PNPLA8: variants seen among roughly 807,000 people sequenced by gnomAD.
PNPLA8 encodes the protein patatin like domain 8, phospholipase A2, also known as calcium-independent phospholipase A2-gamma.
Under a neutral mutation model 76.9 loss-of-function variants are expected in PNPLA8, and 39 were observed. The observed-to-expected ratio is 0.51, with a 90% CI of 0.39 to 0.66. The LOEUF (loss-of-function observed/expected upper bound fraction) is 0.66. Ranked by LOEUF, PNPLA8 falls within the 30% of genes least tolerant of loss-of-function variation. The pLI is 0.00. For synonymous variants in PNPLA8, 301 were observed against 307.9 expected (o/e 0.98, Z 0.24); for missense variants, 887 against 918.0 (o/e 0.97, Z 0.44).
At chr7:108,520,961 C>A (rs1563993276) in intron 2 of PNPLA8, among the ~76,000 whole-genome samples, 1 of 152,026 alleles carries the variant, frequency 6.6e-6, no homozygotes, top group Non-Finnish European at 1.5e-5. Flanking sequence ...AGTAAAAAAT[C>A]TCCAGGTTTA....
At position 108,514,624 on chromosome 7, in the gene PNPLA8, A is replaced by G. The variant is rs748119159; in HGVS notation, c.868T>C (p.Phe290Leu). The G allele has an allele frequency of 1.2e-6, 2 of 1,614,088 alleles. No individual in the cohort carries two copies. Among genetic ancestry groups the G allele is most frequent in the Non-Finnish European group, 8.5e-7 (1 of 1,179,978 alleles). ...QVSTKQSIAN[F>L]LSRPTEGVQA... ...ACACCTTCCGTGGGACGAGAAAGAA[A>G]GTTAGCAATACTTTGTTTAGTTGAA... Residue 290 changes from phenylalanine (F) to leucine (L), a missense_variant, in exon 3 of 11, where the codon TTT (phenylalanine) becomes CTT (leucine). Physicochemically the swap from Phe to Leu is conservative, Grantham distance 22. Transcript: ENST00000257694.
chr7:108,475,261 T>C (rs1859905622), intron 10 of PNPLA8, among the ~76,000 whole-genome samples: 1 of 152,170 alleles, frequency 6.6e-6, no homozygotes, highest in African/African-American at 2.4e-5. Flanking sequence ...AATGTAATAA[T>C]ACTAGAAATA....
chr7:108,494,262 A>G (rs1195775089), intron 7 of PNPLA8, among the ~76,000 whole-genome samples: 1 of 152,132 alleles, frequency 6.6e-6, no homozygotes, highest in African/African-American at 2.4e-5. Context: ...GTTTTGTTAC[A>G]TGGGTAAACT....
intron 3 of PNPLA8, 56 bp downstream of exon 3, chr7:108,514,380 A>C: frequency 1.3e-6 from 2 of 1,550,118 alleles, no homozygotes; most frequent in Non-Finnish European, 1.7e-6. Context: ...TTAGGAAATA[A>C]AACTTATAAA....
At chr7:108,490,783 CAA>C (rs775029071) in intron 8 of PNPLA8, among the ~76,000 whole-genome samples, 6 of 86,968 alleles carry the variant, frequency 6.9e-5, no homozygotes, top group Admixed American at 1.3e-4. Context: ...GACTCCGTCT[CAA>C]AAAAAAAAAA....
chr7:108,494,752 T>TA (rs1861438102), intron 7 of PNPLA8, among the ~76,000 whole-genome samples: 1 of 152,188 alleles, frequency 6.6e-6, no homozygotes, highest in Admixed American at 6.5e-5. Flanking sequence ...AGAAAAGACT[T>TA]AAAAACATAA....
Position 108,501,245 on chromosome 7 carries a change from G to A in PNPLA8, c.1358+1246C>T, listed in dbSNP as rs73713129. Among the ~76,000 whole-genome samples the A allele has an allele frequency of 6.4e-3, 978 of 152,222 alleles. 15 individuals are homozygous for A. The highest frequency in any genetic ancestry group is 0.022 in the African/African-American group (934 of 41,538). The stretch of plus-strand genomic sequence containing the variant: ...TAGAGAACAAGCTAGAAGATTTTGG[G>A]GAAAAGGTTTGAAAAACCAAGCCAA... On this transcript the variant is annotated intron_variant, in intron 5 of 10. Coordinates refer to ENST00000257694, the MANE Select transcript of PNPLA8 (RefSeq NM_001256007.3).
At chr7:108,491,687 A>C (rs577946747) in intron 7 of PNPLA8, among the ~76,000 whole-genome samples, 1 of 152,230 alleles carries the variant, frequency 6.6e-6, no homozygotes, top group African/African-American at 2.4e-5. Context: ...AAGTATCTAC[A>C]GTTCTGAGGT....
intron 5 of PNPLA8, among the ~76,000 whole-genome samples, chr7:108,498,761 G>C (rs1321659125): frequency 2.6e-5 from 4 of 152,102 alleles, no homozygotes; most frequent in Admixed American, 6.6e-5. Context: ...AGGAGATATA[G>C]ACCAATTGAG....
rs986170097 is a variant in PNPLA8 at position 108,502,178 on chromosome 7, C to T, written c.1358+313G>A. Among the ~76,000 whole-genome samples, 7 of 151,322 alleles carry T rather than the reference C, an allele frequency of 4.6e-5. No homozygotes were observed. The East Asian group carries it at 5.8e-4, about 13-fold the overall frequency. ...CATGTTCCAGCTGGGCGCAGTGGCT[C>T]GCGCCTGTAATCCTAGCACTTTGGG... On this transcript the variant is annotated intron_variant, in intron 5 of 10. Coordinates refer to ENST00000257694, the MANE Select transcript of PNPLA8 (RefSeq NM_001256007.3).
intron 2 of PNPLA8, among the ~76,000 whole-genome samples, chr7:108,520,150 T>TA (rs1466330903): frequency 3.9e-5 from 6 of 152,336 alleles, no homozygotes; most frequent in Non-Finnish European, 8.8e-5. Context: ...TTTCTCTTAC[T>TA]AATCTGTTTC....
intron 1 of PNPLA8, among the ~76,000 whole-genome samples, chr7:108,524,688 G>A (rs537185852): frequency 3.3e-5 from 5 of 152,206 alleles, no homozygotes; most frequent in South Asian, 2.1e-4. Context: ...GTGTGGTTGC[G>A]CACGCCTGTA....
In PNPLA8 at chr7:108,510,171, G is replaced by A. The variant is rs929692916; in HGVS notation, c.1206+3973C>T. The A allele has an allele frequency of 2.3e-4, 169 of 730,402 alleles. 2 individuals carry two copies. The Middle Eastern group carries it at 3.2e-3, about 14-fold the overall frequency. 45.2% of individuals were successfully genotyped at this position (730,402 alleles called of 1,614,324 possible). On this transcript the variant is annotated intron_variant, in intron 4 of 10. Transcript: ENST00000257694. ...GTGCACATGTACCCTAAAACTTAAAGTATAATAAAAAAAAAAAAAAAGAAA... is the reference window on the plus strand; with the variant it reads ...GTGCACATGTACCCTAAAACTTAAAATATAATAAAAAAAAAAAAAAAGAAA...
chr7:108,516,795 G>A lies in PNPLA8; in HGVS notation c.-83-1221C>T, dbSNP rs903302770. 2.6e-5 allele frequency among the ~76,000 whole-genome samples: 4 copies of A among 152,152 alleles called. No individual in the cohort carries two copies. The South Asian group carries it at 6.2e-4, about 24-fold the overall frequency. On this transcript the variant is annotated intron_variant, in intron 2 of 10. Coordinates refer to ENST00000257694, the MANE Select transcript of PNPLA8 (RefSeq NM_001256007.3). ...TGCACGTCGGTAATCTCAGCTACTC[G>A]GGTGGCTGAGGCAGAAGAATCACTT... is the stretch of plus-strand genomic sequence containing the variant.
chr7:108,472,756 TTTAAAA>T (rs1859714009), intron 10 of PNPLA8, 81 bp from the exon 11 acceptor site: 1 of 1,000,890 alleles, frequency 1.0e-6, no homozygotes, highest in African/African-American at 1.7e-5. Flanking sequence ...TTTGTCTTTA[TTTAAAA>T]TTAACTTCTT....
At chr7:108,497,661 T>C (rs1441641920) in intron 5 of PNPLA8, 84 bp from the exon 6 acceptor site, 5 of 671,022 alleles carry the variant, frequency 7.5e-6, no homozygotes, top group Non-Finnish European at 9.4e-6. Context: ...ATCTAATAAT[T>C]GCTTTTAGAG....
In PNPLA8 at chr7:108,485,579, G is replaced by A. The variant is rs561023321; in HGVS notation, c.1878+2180C>T. Among the ~76,000 whole-genome samples the A allele has an allele frequency of 1.2e-3, 186 of 152,174 alleles. 1 individual carries two copies. The highest frequency in any genetic ancestry group is 4.3e-3 in the African/African-American group (180 of 41,540). ...TGAATATAATTATTAAAAGAATTTA[G>A]GATGAGAAGGTTGTAGTACTATACT... On this transcript the variant is annotated intron_variant, in intron 9 of 10. Transcript: ENST00000257694.
At chr7:108,524,140 A>G (rs1863924600) in intron 1 of PNPLA8, among the ~76,000 whole-genome samples, 1 of 152,252 alleles carries the variant, frequency 6.6e-6, no homozygotes, top group African/African-American at 2.4e-5. Context: ...CAGAAACCAC[A>G]ACATTAGACG....
In PNPLA8 at chr7:108,487,959, G is replaced by C. The variant is rs551722953; in HGVS notation, c.1684-6C>G. Reference sequence around the variant, plus strand: ...ATGGTACTTACAGCAGCTACCTAGTGAATGAAAAAGTGAACAATTCCATCA... The same window carrying C: ...ATGGTACTTACAGCAGCTACCTAGTCAATGAAAAAGTGAACAATTCCATCA... On this transcript the variant is annotated splice_region_variant and splice_polypyrimidine_tract_variant and intron_variant, in intron 8 of 10. Transcript: ENST00000257694. The C allele has an allele frequency of 1.9e-6, 3 of 1,555,910 alleles. No individual in the cohort carries two copies. The South Asian group carries it at 3.5e-5, about 18-fold the overall frequency.
Sources: allele counts gnomAD v4.1 joint callset (sites outside exome capture counted in the v4.1 genomes callset), GRCh38; gene constraint gnomAD v4.1.1; transcripts MANE v1.5; gene names NCBI Gene and HGNC (gene_info 2026-07-23, HGNC 2026-07-21).